Variants in FSTL5 observed in about 807,000 individuals in gnomAD.
FSTL5 encodes the protein follistatin-related protein 5.
FSTL5 carries 62 observed loss-of-function variants against 89.1 expected under a neutral mutation model. That is an observed-to-expected ratio of 0.70 (90% CI 0.57 to 0.86). The LOEUF (loss-of-function observed/expected upper bound fraction) is 0.86, where lower values mean the gene tolerates loss of function less well. FSTL5 is among the 40% of genes least tolerant of loss of function. FSTL5 has a pLI of 0.00. For missense variants in FSTL5, 1,057 were observed against 1,001.6 expected, an observed-to-expected ratio of 1.06 and a Z score of -0.75; for synonymous variants, 383 against 346.2, an observed-to-expected ratio of 1.11 and a Z score of -1.18.
intron 6 of FSTL5, among the ~76,000 whole-genome samples, chr4:161,712,392 G>C (rs921896556): frequency 1.3e-5 from 2 of 152,018 alleles, no homozygotes; most frequent in Non-Finnish European, 2.9e-5. Flanking sequence ...AATTCACCTA[G>C]GTCAAATTTG....
intron 1 of FSTL5, among the ~76,000 whole-genome samples, chr4:162,137,395 A>G (rs1238314787): frequency 6.6e-6 from 1 of 152,068 alleles, no homozygotes; most frequent in Non-Finnish European, 1.5e-5. Flanking sequence ...TTAGAAGGTA[A>G]TATTTGCTTT....
intron 7 of FSTL5, among the ~76,000 whole-genome samples, chr4:161,648,743 T>C (rs1188941974): frequency 6.6e-6 from 1 of 152,106 alleles, no homozygotes; most frequent in Non-Finnish European, 1.5e-5. Flanking sequence ...ATACAATCTA[T>C]GCACTGAAGG....
intron 15 of FSTL5, among the ~76,000 whole-genome samples, chr4:161,418,519 C>T (rs1218737671): frequency 6.6e-6 from 1 of 152,096 alleles, no homozygotes; most frequent in Non-Finnish European, 1.5e-5. Flanking sequence ...ACCATTACGA[C>T]AGTGATCACT....
At chr4:161,748,525 T>C (rs1740279582) in intron 6 of FSTL5, among the ~76,000 whole-genome samples, 1 of 151,812 alleles carries the variant, frequency 6.6e-6, no homozygotes, top group African/African-American at 2.4e-5. Context: ...CATTAATCCA[T>C]GTGGTATATA....
intron 6 of FSTL5, among the ~76,000 whole-genome samples, chr4:161,757,392 T>C (rs761956141): frequency 6.6e-6 from 1 of 151,644 alleles, no homozygotes; most frequent in Non-Finnish European, 1.5e-5. Context: ...ACACACATTA[T>C]TATATGTAAA....
intron 3 of FSTL5, among the ~76,000 whole-genome samples, chr4:161,947,870 T>C (rs1488477260): frequency 1.3e-5 from 2 of 152,174 alleles, no homozygotes; most frequent in African/African-American, 4.8e-5. Flanking sequence ...TGTGTCTTTC[T>C]ATTTATTTAG....
intron 4 of FSTL5, among the ~76,000 whole-genome samples, chr4:161,820,620 T>C (rs1730460471): frequency 6.6e-6 from 1 of 152,144 alleles, no homozygotes; most frequent in African/African-American, 2.4e-5. Context: ...GCGTGAAAAT[T>C]GAAGGCCTGG....
At chr4:161,449,412 C>T (rs1019470101) in intron 15 of FSTL5, among the ~76,000 whole-genome samples, 9 of 152,054 alleles carry the variant, frequency 5.9e-5, no homozygotes, top group Non-Finnish European at 8.8e-5. Flanking sequence ...TTTGAAATTC[C>T]AAACAATATA....
chr4:161,435,030 T>G (rs1409873657), intron 15 of FSTL5, among the ~76,000 whole-genome samples: 1 of 151,952 alleles, frequency 6.6e-6, no homozygotes, highest in East Asian at 1.9e-4. Flanking sequence ...TCAAGAAAAC[T>G]AAAAGTAGAG....
chr4:161,995,313 C>T (rs779892440), intron 3 of FSTL5, among the ~76,000 whole-genome samples: 1 of 152,026 alleles, frequency 6.6e-6, no homozygotes, highest in Non-Finnish European at 1.5e-5. Flanking sequence ...TGAAATTATA[C>T]TTTTTTACAA....
At chr4:161,802,301 T>C (rs772829487) in intron 4 of FSTL5, among the ~76,000 whole-genome samples, 17 of 151,724 alleles carry the variant, frequency 1.1e-4, no homozygotes, top group Non-Finnish European at 1.9e-4. Flanking sequence ...TAAGCATTTG[T>C]CTAACCAGTC....
intron 4 of FSTL5, among the ~76,000 whole-genome samples, chr4:161,840,512 T>G (rs1488770643): frequency 6.6e-6 from 1 of 152,196 alleles, no homozygotes; most frequent in African/African-American, 2.4e-5. Context: ...ATTTTCATTC[T>G]CAAGACTAAT....
intron 7 of FSTL5, among the ~76,000 whole-genome samples, chr4:161,606,593 G>A (rs1734453335): frequency 6.6e-6 from 1 of 152,034 alleles, no homozygotes; most frequent in Admixed American, 6.5e-5. Context: ...TTTACCTTAA[G>A]CTGAGATTTC....
In FSTL5 at chr4:161,827,496, A is replaced by G. The variant is rs559849693; in HGVS notation, c.410-51422T>C. 4.3e-4 allele frequency among the ~76,000 whole-genome samples: 66 copies of G among 152,272 alleles called. 1 individual carries two copies. In the South Asian group the frequency reaches 0.012, roughly 29 times the overall value. ...GTAGCATAGGGAGGATCAGGTGGTG[A>G]GTGGGGGCTTAGAGCTCCCAAGAGA... On this transcript the variant is annotated intron_variant, in intron 4 of 15. Coordinates refer to ENST00000306100, the MANE Select transcript of FSTL5 (RefSeq NM_020116.5).
chr4:161,867,249 T>G (rs1254376867), intron 4 of FSTL5, among the ~76,000 whole-genome samples: 1 of 152,030 alleles, frequency 6.6e-6, no homozygotes, highest in East Asian at 1.9e-4. Context: ...GAAATTGGCT[T>G]TTAACTGAAA....
chr4:161,540,151 C>T (rs1343618671), intron 9 of FSTL5, among the ~76,000 whole-genome samples: 9 of 152,146 alleles, frequency 5.9e-5, no homozygotes, highest in Non-Finnish European at 1.5e-5. Flanking sequence ...CATCTGCCTT[C>T]CTAACCTCTA....
At chr4:161,769,060 C>A (rs1452450501) in intron 5 of FSTL5, among the ~76,000 whole-genome samples, 1 of 151,834 alleles carries the variant, frequency 6.6e-6, no homozygotes, top group Non-Finnish European at 1.5e-5. Context: ...CCCCTATGAG[C>A]AACTATATGC....
intron 15 of FSTL5, among the ~76,000 whole-genome samples, chr4:161,443,499 A>C: frequency 1.3e-5 from 2 of 152,130 alleles, no homozygotes; most frequent in South Asian, 4.1e-4. Context: ...AACTATAATA[A>C]TATTTATATA....
intron 4 of FSTL5, among the ~76,000 whole-genome samples, chr4:161,877,308 A>C (rs1732476632): frequency 6.6e-6 from 1 of 151,152 alleles, no homozygotes; most frequent in South Asian, 2.1e-4. Flanking sequence ...ATGATAATAC[A>C]AAAATTACTA....
Sources: gnomAD v4.1 joint callset for allele counts (sites outside exome capture counted in the v4.1 genomes callset) on GRCh38, gnomAD v4.1.1 for gene constraint, MANE v1.5 for transcripts, NCBI Gene and HGNC (gene_info 2026-07-23, HGNC 2026-07-21) for gene names.